VTA1: variants seen among roughly 807,000 people sequenced by gnomAD.
VTA1 encodes the protein vesicle trafficking 1.
Under a neutral mutation model 36.9 loss-of-function variants are expected in VTA1, and 24 were observed. The ratio of observed to expected loss-of-function variants is 0.65; its 90% CI spans 0.47 to 0.91. The LOEUF is 0.91. VTA1 is among the 40% of genes least tolerant of loss of function. The pLI, the probability that VTA1 is intolerant of heterozygous loss-of-function variation, is 0.00. For synonymous variants in VTA1, 142 were observed against 130.2 expected, an observed-to-expected ratio of 1.09 and a Z score of -0.62; for missense variants, 393 against 377.2, an observed-to-expected ratio of 1.04 and a Z score of -0.35.
chr6:142,151,820 G>A (rs1778573801), intron 1 of VTA1, among the ~76,000 whole-genome samples: 1 of 152,176 alleles, frequency 6.6e-6, no homozygotes, highest in African/African-American at 2.4e-5. Flanking sequence ...GATCACCCGA[G>A]GTCAGGAGTT....
intron 5 of VTA1, among the ~76,000 whole-genome samples, chr6:142,190,877 C>T (rs1223430407): frequency 1.3e-5 from 2 of 152,086 alleles, no homozygotes; most frequent in African/African-American, 4.8e-5. Context: ...TCCAGTAAAG[C>T]TTTATTTACA....
At chr6:142,181,094 A>AAAAAAAATATATATAT (rs1471429927) in intron 4 of VTA1, among the ~76,000 whole-genome samples, 4 of 36,418 alleles carry the variant, frequency 1.1e-4, no homozygotes, top group South Asian at 1.4e-3. Context: ...AAAAAAAAAA[A>AAAAAAAATATATATAT]ATATATATAT....
At chr6:142,212,719 G>A (rs188651951) in intron 7 of VTA1, among the ~76,000 whole-genome samples, 1 of 152,264 alleles carries the variant, frequency 6.6e-6, no homozygotes, top group African/African-American at 2.4e-5. Flanking sequence ...TATAATCATG[G>A]CAAAAGGTGA....
At chr6:142,178,812 AT>A (rs964996962) in intron 4 of VTA1, among the ~76,000 whole-genome samples, 52 of 151,576 alleles carry the variant, frequency 3.4e-4, no homozygotes, top group Middle Eastern at 3.4e-3. Context: ...TTCAGACTAG[AT>A]TTTTTTTTAA....
chr6:142,218,040 G>A (rs934491585), intron 7 of VTA1, among the ~76,000 whole-genome samples: 8 of 152,062 alleles, frequency 5.3e-5, no homozygotes, highest in African/African-American at 1.9e-4. Flanking sequence ...GCACAAACAT[G>A]TAAAATACTC....
In VTA1 at chr6:142,220,648, CTA is replaced by C. The variant is rs1210320710; in HGVS notation, c.*2007_*2008del. On this transcript the variant is annotated 3_prime_UTR_variant, in exon 8 of 8. Coordinates refer to ENST00000367630, the MANE Select transcript of VTA1 (RefSeq NM_016485.5). The stretch of plus-strand genomic sequence containing the variant: ...CCTAATATCAGGAAATCCCAGTTGT[CTA>C]TGTGGCCCAGTGCTTAAAAACGCCT... The C allele has an allele frequency of 6.6e-6, 1 of 152,096 alleles. No homozygotes were observed. Among genetic ancestry groups the C allele is most frequent in the African/African-American group, 2.4e-5 (1 of 41,420 alleles). The allele number at this position is 152,096 out of a possible 1,614,324, so 9.4% of individuals were successfully genotyped here. A position where few individuals can be genotyped will look rare whatever the true frequency, so the allele number is the denominator to read the frequency against.
chr6:142,204,437 A>G (rs1775747666), intron 7 of VTA1, among the ~76,000 whole-genome samples: 2 of 152,146 alleles, frequency 1.3e-5, no homozygotes, highest in East Asian at 3.9e-4. Context: ...CTGTTATTAA[A>G]TTATCTAAAA....
At chr6:142,151,916 C>T (rs1778575705) in intron 1 of VTA1, among the ~76,000 whole-genome samples, 2 of 152,186 alleles carry the variant, frequency 1.3e-5, no homozygotes, top group Admixed American at 6.5e-5. Flanking sequence ...TGCCTGTAAT[C>T]CCAGCTACTG....
intron 7 of VTA1, among the ~76,000 whole-genome samples, chr6:142,204,574 C>G (rs1376897904): frequency 2.0e-5 from 3 of 151,856 alleles, no homozygotes; most frequent in African/African-American, 7.3e-5. Context: ...TTTTTTAGCC[C>G]AAATCAGGCA....
chr6:142,220,672 G>A lies in VTA1; in HGVS notation c.*2029G>A, dbSNP rs1057253457. 3.9e-5 allele frequency: 6 copies of A among 152,018 alleles called. No individual in the cohort carries two copies. Among genetic ancestry groups the A allele is most frequent in the African/African-American group, 9.7e-5 (4 of 41,374 alleles). The allele number at this position is 152,018 out of a possible 1,614,324, so 9.4% of individuals were successfully genotyped here. ...TCTATGTGGCCCAGTGCTTAAAAAC[G>A]CCTTCTTGCATGAGGGGATTGAACT... On this transcript the variant is annotated 3_prime_UTR_variant, in exon 8 of 8. Transcript: ENST00000367630.
At chr6:142,212,988 A>G (rs1440537029) in intron 7 of VTA1, among the ~76,000 whole-genome samples, 1 of 152,136 alleles carries the variant, frequency 6.6e-6, no homozygotes, top group East Asian at 1.9e-4. Flanking sequence ...TCATATTCCA[A>G]AATACAAATA....
At chr6:142,169,074 A>G (rs11758623) in intron 2 of VTA1, among the ~76,000 whole-genome samples, 1 of 151,948 alleles carries the variant, frequency 6.6e-6, no homozygotes, top group African/African-American at 2.4e-5. Flanking sequence ...CGGCCGAGAG[A>G]TATTATTTTA....
At chr6:142,195,708 A>G (rs1775533170) in intron 5 of VTA1, among the ~76,000 whole-genome samples, 1 of 147,868 alleles carries the variant, frequency 6.8e-6, no homozygotes, top group Non-Finnish European at 1.5e-5. Flanking sequence ...CCCTCTAAGC[A>G]TTGGTTTAGT....
At chr6:142,215,130 C>T (rs1166302227) in intron 7 of VTA1, among the ~76,000 whole-genome samples, 1 of 152,112 alleles carries the variant, frequency 6.6e-6, no homozygotes, top group Non-Finnish European at 1.5e-5. Flanking sequence ...TCAATGACAA[C>T]TTACCTGATA....
chr6:142,213,050 T>A (rs1371950745), intron 7 of VTA1, among the ~76,000 whole-genome samples: 1 of 152,144 alleles, frequency 6.6e-6, no homozygotes, highest in Non-Finnish European at 1.5e-5. Flanking sequence ...TAACTCAAGT[T>A]TATAGTCCAG....
chr6:142,166,152 C>A, intron 1 of VTA1, 76 bp from the exon 2 acceptor site: 1 of 872,982 alleles, frequency 1.1e-6, no homozygotes, highest in Non-Finnish European at 1.7e-6. Context: ...TATTTATTAG[C>A]AATTATATTT....
intron 4 of VTA1, among the ~76,000 whole-genome samples, chr6:142,174,372 G>T (rs964573992): frequency 6.6e-6 from 1 of 152,154 alleles, no homozygotes; most frequent in Non-Finnish European, 1.5e-5. Context: ...GGGGCCTATC[G>T]TGCCTTTTTT....
intron 1 of VTA1, among the ~76,000 whole-genome samples, chr6:142,156,473 A>C (rs1355215353): frequency 1.3e-5 from 2 of 152,184 alleles, no homozygotes; most frequent in Non-Finnish European, 2.9e-5. Flanking sequence ...AAGCCGGAAA[A>C]TATTTGAATC....
At chr6:142,147,846 C>A (rs2114622802) in intron 1 of VTA1, among the ~76,000 whole-genome samples, 1 of 152,280 alleles carries the variant, frequency 6.6e-6, no homozygotes, top group East Asian at 1.9e-4. Flanking sequence ...AGCATGCAAG[C>A]CCAATCAGAA....
Sources: gnomAD v4.1 joint callset for allele counts (sites outside exome capture counted in the v4.1 genomes callset) on GRCh38, gnomAD v4.1.1 for gene constraint, MANE v1.5 for transcripts, NCBI Gene and HGNC (gene_info 2026-07-23, HGNC 2026-07-21) for gene names.